The following LONRF3 variants were observed in gnomAD, a reference collection of about 807,000 sequenced individuals.
LONRF3 encodes LON peptidase N-terminal domain and ring finger 3.
In LONRF3, 19 loss-of-function variants were observed where a neutral mutation model predicts 51.7. The observed-to-expected ratio is 0.37, with a 90% CI of 0.26 to 0.54. The LOEUF (loss-of-function observed/expected upper bound fraction) is 0.54. Among genes scored for constraint, LONRF3 ranks in the 20% least tolerant of loss-of-function variants. The probability of loss-of-function intolerance (pLI) is 0.86; values close to 1 mark genes in which losing one functional copy is unlikely to be tolerated. For synonymous variants in LONRF3, 265 were observed against 257.8 expected (o/e 1.03, Z -0.27); for missense variants, 521 against 623.9 (o/e 0.84, Z 1.76).
chrX:118,978,493 G>A (rs1421641275), intron 2 of LONRF3, 30 bp downstream of exon 2: 9 of 1,020,298 alleles, frequency 8.8e-6, no homozygotes, highest in Non-Finnish European at 1.2e-5. Flanking sequence ...GGTGGGAAGG[G>A]GTTGTACTGT....
chrX:118,975,733 TGGGGG>T, intron 1 of LONRF3, 136 bp downstream of exon 1: 2 of 45,741 alleles, frequency 4.4e-5, no homozygotes, highest in Admixed American at 4.0e-4. Flanking sequence ...TGTGGCGGGG[TGGGGG>T]AGGGGTGATT....
chrX:118,975,926 C>T (rs1242879138), intron 1 of LONRF3, among the ~76,000 whole-genome samples: 3 of 111,839 alleles, frequency 2.7e-5, no homozygotes. Context: ...TTCTCCGTCT[C>T]TTCGTATCTT....
Position 118,975,566 on chromosome X carries a change from A to G in LONRF3, c.786A>G (p.Ala262=), listed in dbSNP as rs373462476. The change falls in exon 1 of 11, where the codon GCA becomes GCG. Residue 262 remains alanine, a synonymous_variant. Coordinates refer to ENST00000371628, the MANE Select transcript of LONRF3 (RefSeq NM_001031855.3). ...ACCGCGAGCGCCAGGTGGAGGCGGC[A>G]CTGCTCAAGTACAACGAGGCAGTTA... is the stretch of plus-strand genomic sequence containing the variant. The part of the protein sequence containing the change: ...RLYRERQVEA[A]LLKYNEAVKL... 1.7e-6 allele frequency: 2 copies of G among 1,191,247 alleles called. No individual in the cohort carries two copies. The highest frequency in any genetic ancestry group is 1.1e-6 in the Non-Finnish European group (1 of 887,329).
chrX:119,008,967 A>G (rs1397169024), intron 6 of LONRF3, among the ~76,000 whole-genome samples, 159 bp from the exon 7 acceptor site: 1 of 112,150 alleles, frequency 8.9e-6, no homozygotes, highest in Non-Finnish European at 1.9e-5. Flanking sequence ...TAACATCCAG[A>G]AAATACATAT....
intron 1 of LONRF3, chrX:118,976,531 G>C (rs45519333): frequency 0.013 from 1,498 of 112,968 alleles, 5 homozygotes; most frequent in Middle Eastern, 0.047. Context: ...GCAACTGCTT[G>C]GGGATCCCTG....
chrX:119,008,793 A>G (rs773342014), intron 6 of LONRF3, among the ~76,000 whole-genome samples: 7 of 111,477 alleles, frequency 6.3e-5, no homozygotes, highest in African/African-American at 2.3e-4. Context: ...GAAAGGGAAG[A>G]ATTCCCCCCA....
intron 5 of LONRF3, among the ~76,000 whole-genome samples, chrX:119,001,108 G>A (rs1377959719): frequency 9.0e-6 from 1 of 111,662 alleles, no homozygotes; most frequent in Non-Finnish European, 1.9e-5. Flanking sequence ...ATCTGGCCCT[G>A]CTCTGATTTA....
chrX:118,989,934 C>T (rs1220058878), intron 4 of LONRF3, among the ~76,000 whole-genome samples: 1 of 112,130 alleles, frequency 8.9e-6, no homozygotes, highest in Non-Finnish European at 1.9e-5. Context: ...ACAGTATCAA[C>T]TAATGACATC....
intron 2 of LONRF3, 139 bp from the exon 3 acceptor site, chrX:118,982,682 C>T (rs916667212): frequency 7.5e-6 from 6 of 804,256 alleles, no homozygotes; most frequent in Non-Finnish European, 1.1e-5. Flanking sequence ...AGAACAGTTG[C>T]CCGCATTTTA....
intron 2 of LONRF3, among the ~76,000 whole-genome samples, chrX:118,978,845 A>G (rs949160584): frequency 9.0e-6 from 1 of 111,405 alleles, no homozygotes; most frequent in African/African-American, 3.3e-5. Flanking sequence ...TATTCAAAGC[A>G]GCTACTAAAG....
At chrX:118,988,015 G>T (rs973198451) in intron 3 of LONRF3, among the ~76,000 whole-genome samples, 1 of 111,404 alleles carries the variant, frequency 9.0e-6, no homozygotes, top group Non-Finnish European at 1.9e-5. Context: ...GTGGTCAGAA[G>T]TTGAGGATCA....
At position 119,012,367 on chromosome X, in the gene LONRF3, G is replaced by A. The variant is rs781460875; in HGVS notation, c.1811+394G>A. ...TAATAGTACCTACCTCATTGGGTTT[G>A]CTTGGAAGATTGGTGAGTTAATAAT... is the stretch of plus-strand genomic sequence containing the variant. On this transcript the variant is annotated intron_variant, in intron 8 of 10. Transcript: ENST00000371628. 5.4e-5 allele frequency among the ~76,000 whole-genome samples: 6 copies of A among 110,351 alleles called. No individual in the cohort carries two copies. In the East Asian group the frequency reaches 1.7e-3, roughly 31 times the overall value.
At chrX:119,002,312 C>T (rs760422275) in intron 5 of LONRF3, among the ~76,000 whole-genome samples, 9 of 111,834 alleles carry the variant, frequency 8.0e-5, no homozygotes, top group Non-Finnish European at 1.5e-4. Context: ...CTTTACTACC[C>T]GAATATGTGT....
intron 5 of LONRF3, among the ~76,000 whole-genome samples, chrX:118,996,552 C>G (rs1923876628): frequency 9.0e-6 from 1 of 111,411 alleles, no homozygotes; most frequent in African/African-American, 3.3e-5. Flanking sequence ...TCAAGATCCC[C>G]TTTTACAATA....
At chrX:118,997,260 G>A (rs1406210231) in intron 5 of LONRF3, among the ~76,000 whole-genome samples, 6 of 111,966 alleles carry the variant, frequency 5.4e-5, no homozygotes, top group East Asian at 5.6e-4. Context: ...CATGGTACTC[G>A]TATAAAAATA....
In LONRF3 at chrX:118,974,921, A is replaced by C; in HGVS notation, c.141A>C (p.Ala47=). ...CAAAGGTGGCTGCAGAGGGCCCCGC[A>C]CCTCTACCGACGCGGGAGCCAGAGC... ...PHPKVAAEGP[A]PLPTREPEQE... The change falls in exon 1 of 11, where the codon GCA becomes GCC. Residue 47 remains alanine (A), a synonymous_variant. Transcript: ENST00000371628. 1 of 1,185,467 alleles carries C rather than the reference A, an allele frequency of 8.4e-7. No homozygotes were observed. The highest frequency in any genetic ancestry group is 3.1e-5 in the East Asian group (1 of 32,388).
At chrX:118,981,814 A>G (rs1922584277) in intron 2 of LONRF3, among the ~76,000 whole-genome samples, 1 of 112,188 alleles carries the variant, frequency 8.9e-6, no homozygotes, top group Admixed American at 9.4e-5. Flanking sequence ...TGGGGCCTGC[A>G]AAGAGGCATG....
intron 5 of LONRF3, among the ~76,000 whole-genome samples, chrX:119,000,261 A>C (rs1924176831): frequency 8.9e-6 from 1 of 112,357 alleles, no homozygotes; most frequent in South Asian, 3.7e-4. Flanking sequence ...TATGAAATCC[A>C]GTTTCATGGT....
Position 118,975,409 on chromosome X carries a change from G to C in LONRF3, c.629G>C (p.Arg210Pro). 1 of 1,197,823 alleles carries C rather than the reference G, an allele frequency of 8.3e-7. No individual in the cohort carries two copies. The change falls in exon 1 of 11, where the codon CGT becomes CCT. Residue 210 changes from arginine (R) to proline (P), a missense_variant. Physicochemically the swap from Arg to Pro is moderately radical, Grantham distance 103. This residue lies in a region of LONRF3 where 376 missense variants were observed against 376.7 expected (regional missense o/e 1.00). Coordinates refer to ENST00000371628, the MANE Select transcript of LONRF3 (RefSeq NM_001031855.3). ...SALMVATGRA[R>P]GARRAGQQPP... is the part of the protein sequence containing the mutation. ...TTGATGGTGGCCACTGGGCGGGCGC[G>C]TGGAGCCCGGCGGGCTGGGCAGCAG... is the stretch of plus-strand genomic sequence containing the variant.
Sources: gnomAD v4.1 joint callset for allele counts (sites outside exome capture counted in the v4.1 genomes callset) on GRCh38, gnomAD v4.1.1 for gene constraint, gnomAD v4.1.1 regional missense constraint, MANE v1.5 for transcripts, NCBI Gene and HGNC (gene_info 2026-07-23, HGNC 2026-07-21) for gene names.